The following DCC variants were observed in gnomAD, a reference collection of about 807,000 sequenced individuals.
DCC encodes the protein netrin receptor DCC.
Under a neutral mutation model 172.5 loss-of-function variants are expected in DCC, and 58 were observed. The ratio of observed to expected loss-of-function variants is 0.34; its 90% CI spans 0.27 to 0.42. DCC has a LOEUF of 0.42. Ranked by LOEUF, DCC falls within the 10% of genes least tolerant of loss-of-function variation. The pLI is 1.00. For synonymous variants in DCC, 709 were observed against 644.5 expected (o/e 1.10, Z -1.52); for missense variants, 1,740 against 1,791.0 (o/e 0.97, Z 0.51).
intron 25 of DCC, among the ~76,000 whole-genome samples, chr18:53,483,123 C>A (rs1401768978): frequency 6.6e-6 from 1 of 151,816 alleles, no homozygotes; most frequent in Non-Finnish European, 1.5e-5. Context: ...TAACTTATTT[C>A]TTTAAGGAAT....
At chr18:53,014,506 T>C (rs2041779574) in intron 5 of DCC, among the ~76,000 whole-genome samples, 6 of 142,368 alleles carry the variant, frequency 4.2e-5, no homozygotes, top group Admixed American at 3.0e-4. Context: ...GTTCTCATTG[T>C]TCAATTCCCA....
chr18:53,305,795 C>T, intron 13 of DCC, 76 bp downstream of exon 13: 6 of 1,460,486 alleles, frequency 4.1e-6, no homozygotes, highest in Non-Finnish European at 5.8e-6. Context: ...AGTCTCACTC[C>T]AAAGGAACAT....
At chr18:53,386,204 A>G (rs1484419063) in intron 16 of DCC, 66 bp downstream of exon 16, 11 of 1,043,900 alleles carry the variant, frequency 1.1e-5, no homozygotes, top group Non-Finnish European at 1.6e-5. Flanking sequence ...AAGAAAAACT[A>G]AAATAAAATA....
chr18:53,207,552 AGCTCATTAGAAG>A, intron 10 of DCC, 115 bp from the exon 11 acceptor site: 1 of 886,782 alleles, frequency 1.1e-6, no homozygotes, highest in Non-Finnish European at 1.8e-6. Context: ...TAGGTTTTAT[AGCTCATTAGAAG>A]GCTGGAGTGT....
At chr18:53,476,768 A>G (rs1432490259) in intron 25 of DCC, among the ~76,000 whole-genome samples, 3 of 152,088 alleles carry the variant, frequency 2.0e-5, no homozygotes, top group Non-Finnish European at 4.4e-5. Flanking sequence ...ATAATGTGTT[A>G]TTTCTTGTTC....
At chr18:52,615,078 A>G (rs1446911546) in intron 1 of DCC, among the ~76,000 whole-genome samples, 2 of 152,174 alleles carry the variant, frequency 1.3e-5, no homozygotes, top group African/African-American at 2.4e-5. Flanking sequence ...TTAAAAGTCG[A>G]TAGCTGCAAA....
At chr18:53,488,524 G>A (rs142852286) in intron 26 of DCC, among the ~76,000 whole-genome samples, 1 of 151,922 alleles carries the variant, frequency 6.6e-6, no homozygotes, top group African/African-American at 2.4e-5. Context: ...TTTTTTTAAA[G>A]GCATAGTTTT....
At chr18:52,480,024 G>T (rs1222523544) in intron 1 of DCC, among the ~76,000 whole-genome samples, 1 of 151,988 alleles carries the variant, frequency 6.6e-6, no homozygotes, top group Non-Finnish European at 1.5e-5. Context: ...TAGTTCTCTT[G>T]ACAACACAGT....
Position 52,943,749 on chromosome 18 carries a change from T to TG in DCC, c.985+18380dup, listed in dbSNP as rs397752517. Among the ~76,000 whole-genome samples the TG allele has an allele frequency of 8.2e-4, 124 of 151,928 alleles. No homozygotes were observed. The Middle Eastern group carries it at 0.01, about 13-fold the overall frequency. ...ACTGGCAATTTATGGTTTTTTTTTT[T>TG]GTTTGTTTTGTTTTGTTTGAGATGG... On this transcript the variant is annotated intron_variant, in intron 5 of 28. Transcript: ENST00000442544.
At chr18:53,142,548 C>T (rs1253063662) in intron 7 of DCC, among the ~76,000 whole-genome samples, 10 of 152,118 alleles carry the variant, frequency 6.6e-5, no homozygotes, top group South Asian at 4.1e-4. Flanking sequence ...ACCACATTAG[C>T]GCTGATCTTT....
intron 14 of DCC, among the ~76,000 whole-genome samples, chr18:53,329,857 A>G (rs2057510545): frequency 6.6e-6 from 1 of 152,176 alleles, no homozygotes; most frequent in African/African-American, 2.4e-5. Context: ...ACTATCTGGC[A>G]TTGGAATGGA....
chr18:52,638,242 T>A (rs181377831), intron 1 of DCC, among the ~76,000 whole-genome samples: 315 of 150,492 alleles, frequency 2.1e-3, no homozygotes, highest in African/African-American at 7.3e-3. Context: ...ACAGGACCTA[T>A]AAAACAAAAA....
intron 7 of DCC, among the ~76,000 whole-genome samples, chr18:53,088,309 G>A (rs2042948387): frequency 6.6e-6 from 1 of 152,138 alleles, no homozygotes; most frequent in South Asian, 2.1e-4. Flanking sequence ...TCCTTGAAGA[G>A]GTCCTTCACA....
At chr18:52,562,124 T>A (rs2033054032) in intron 1 of DCC, among the ~76,000 whole-genome samples, 1 of 152,084 alleles carries the variant, frequency 6.6e-6, no homozygotes, top group South Asian at 2.1e-4. Flanking sequence ...CAAAAATGCA[T>A]TGGTACAAAA....
At chr18:53,256,353 A>G (rs576112981) in intron 12 of DCC, among the ~76,000 whole-genome samples, 3 of 152,280 alleles carry the variant, frequency 2.0e-5, no homozygotes, top group South Asian at 4.1e-4. Flanking sequence ...TAGGTCTAAC[A>G]TGTAGGTCTT....
intron 2 of DCC, among the ~76,000 whole-genome samples, chr18:52,894,665 C>A (rs1486742276): frequency 6.6e-6 from 1 of 151,850 alleles, no homozygotes; most frequent in East Asian, 1.9e-4. Flanking sequence ...CAGTTAGAAT[C>A]TGAAGGCCTC....
At chr18:52,394,891 T>C (rs1447785634) in intron 1 of DCC, among the ~76,000 whole-genome samples, 3 of 152,024 alleles carry the variant, frequency 2.0e-5, no homozygotes, top group Admixed American at 1.3e-4. Context: ...AAATAGTTAA[T>C]GAAAGACTTT....
chr18:52,923,705 A>G lies in DCC; in HGVS notation c.698-2A>G. The G allele has an allele frequency of 6.2e-7, 1 of 1,601,602 alleles. No homozygotes were observed. The highest frequency in any genetic ancestry group is 8.6e-7 in the Non-Finnish European group (1 of 1,168,824). On this transcript the variant is annotated splice_acceptor_variant, in intron 3 of 28. Coordinates refer to ENST00000442544, the MANE Select transcript of DCC (RefSeq NM_005215.4). LOFTEE classifies it high-confidence loss of function. ...ATATGATACTGTGTTTTCCCCTCAT[A>G]GATCCAGGACTGCATAGACAGCTGT...
chr18:52,597,756 G>A (rs1340817788), intron 1 of DCC, among the ~76,000 whole-genome samples: 1 of 152,176 alleles, frequency 6.6e-6, no homozygotes, highest in Non-Finnish European at 1.5e-5. Flanking sequence ...GTTTCAGGAA[G>A]TCAAAGAATA....
Sources: allele counts gnomAD v4.1 joint callset (sites outside exome capture counted in the v4.1 genomes callset), GRCh38; gene constraint gnomAD v4.1.1; transcripts MANE v1.5; gene names NCBI Gene and HGNC (gene_info 2026-07-23, HGNC 2026-07-21).